Variants in NF1 observed in about 807,000 individuals in gnomAD.
NF1 encodes the protein neurofibromin.
In NF1, 122 loss-of-function variants were observed where a neutral mutation model predicts 325.7. The ratio of observed to expected loss-of-function variants is 0.37; its 90% confidence interval spans 0.32 to 0.44. The LOEUF (loss-of-function observed/expected upper bound fraction) is 0.44, where lower values mean the gene tolerates loss of function less well. NF1 is among the 20% of genes least tolerant of loss of function. NF1 has a pLI of 1.00. For synonymous variants in NF1, 1,091 were observed against 1,186.0 expected, an observed-to-expected ratio of 0.92 and a Z score of 1.65; for missense variants, 2,140 against 3,415.4, an observed-to-expected ratio of 0.63 and a Z score of 9.31.
intron 1 of NF1, among the ~76,000 whole-genome samples, chr17:31,123,180 T>C (rs912454922): frequency 5.3e-5 from 8 of 152,250 alleles, no homozygotes; most frequent in Non-Finnish European, 4.4e-5. Flanking sequence ...TCTACAATTT[T>C]TAGTTTATAA....
intron 36 of NF1, among the ~76,000 whole-genome samples, chr17:31,297,934 A>G (rs936038888): frequency 1.3e-5 from 2 of 152,158 alleles, no homozygotes; most frequent in Non-Finnish European, 2.9e-5. Flanking sequence ...AGCATCTTAT[A>G]CTTCAGATTA....
rs587781941 is a variant in NF1, at chr17:31,258,419, G to T, written c.4249G>T (p.Ala1417Ser). 1 of 1,613,884 alleles carries T rather than the reference G, an allele frequency of 6.2e-7. No homozygotes were observed. Among genetic ancestry groups the T allele is most frequent in the Non-Finnish European group, 8.5e-7 (1 of 1,179,908 alleles). ...CATGTTCCTCAGATTTATCAATCCT[G>T]CCATTGTCTCACCGTATGAAGCAGG... ...SAMFLRFINP[A>S]IVSPYEAGIL... is the part of the protein sequence containing the mutation. The change falls in exon 32 of 58, where the codon GCC becomes TCC. Residue 1417 changes from alanine (A) to serine (S), a missense_variant. Around this residue, in one of 10 missense-constraint regions of NF1, gnomAD observed 336 missense variants for 399.0 expected, o/e 0.84. Coordinates refer to ENST00000358273, the MANE Select transcript of NF1 (RefSeq NM_001042492.3).
At chr17:31,253,051 A>G (rs573432885) in intron 31 of NF1, 51 bp downstream of exon 31, 5 of 1,441,198 alleles carry the variant, frequency 3.5e-6, no homozygotes, top group Middle Eastern at 1.8e-4. Flanking sequence ...CAAAACAAAA[A>G]TCTTTTGCTG....
chr17:31,263,095 G>A (rs1002111108), intron 35 of NF1, among the ~76,000 whole-genome samples: 25 of 97,632 alleles, frequency 2.6e-4, no homozygotes, highest in Admixed American at 1.9e-4. Context: ...AGGTAGGTAG[G>A]TAGGTAGGTA....
chr17:31,210,792 G>A (rs2066716084), intron 12 of NF1, among the ~76,000 whole-genome samples: 1 of 152,060 alleles, frequency 6.6e-6, no homozygotes, highest in South Asian at 2.1e-4. Flanking sequence ...TACAATCTAA[G>A]ATAGTATTAT....
At chr17:31,176,156 C>G (rs1240029726) in intron 5 of NF1, among the ~76,000 whole-genome samples, 12 of 152,190 alleles carry the variant, frequency 7.9e-5, no homozygotes, top group East Asian at 7.7e-4. Context: ...AAAAGTGTTC[C>G]TATTTCTCCA....
At chr17:31,144,162 AG>A (rs1916427565) in intron 1 of NF1, among the ~76,000 whole-genome samples, 1 of 152,092 alleles carries the variant, frequency 6.6e-6, no homozygotes, top group African/African-American at 2.4e-5. Context: ...TATTCTCACA[AG>A]TTTATTCTTC....
At chr17:31,297,185 A>T (rs1209424912) in intron 36 of NF1, 1 of 152,064 alleles carries the variant, frequency 6.6e-6, no homozygotes, top group African/African-American at 2.4e-5. Flanking sequence ...TCAGCATCTC[A>T]TTTTCTCTGG....
intron 49 of NF1, 126 bp from the exon 50 acceptor site, chr17:31,350,057 G>A (rs1222087579): frequency 6.2e-6 from 6 of 969,648 alleles, no homozygotes; most frequent in Non-Finnish European, 9.9e-6. Context: ...CATTTATGTA[G>A]TCTTCCAAAA....
At chr17:31,097,293 A>G (rs1474376506) in intron 1 of NF1, among the ~76,000 whole-genome samples, 5 of 152,046 alleles carry the variant, frequency 3.3e-5, no homozygotes, top group Admixed American at 3.3e-4. Context: ...CCTCGTCTCT[A>G]CTAAAAATAC....
At chr17:31,180,923 A>G (rs1403093889) in intron 5 of NF1, among the ~76,000 whole-genome samples, 1 of 152,210 alleles carries the variant, frequency 6.6e-6, no homozygotes, top group Non-Finnish European at 1.5e-5. Context: ...TCAATGTGCA[A>G]AAATCACAAG....
intron 1 of NF1, among the ~76,000 whole-genome samples, chr17:31,124,592 A>ATTTTTTTTTTTTTTTTT (rs35335433): frequency 7.9e-5 from 5 of 62,914 alleles, no homozygotes; most frequent in Admixed American, 2.4e-4. Flanking sequence ...GTATTCTTGA[A>ATTTTTTTTTTTTTTTTT]TTTTTTTTTT....
At chr17:31,255,496 T>C (rs1415854477) in intron 31 of NF1, among the ~76,000 whole-genome samples, 1 of 152,226 alleles carries the variant, frequency 6.6e-6, no homozygotes, top group Non-Finnish European at 1.5e-5. Flanking sequence ...AAAATCAGTT[T>C]TTAGTTCCAA....
intron 45 of NF1, 37 bp downstream of exon 45, chr17:31,338,176 G>C (rs756990754): frequency 8.5e-6 from 12 of 1,411,364 alleles, no homozygotes; most frequent in Admixed American, 8.4e-5. Context: ...AAATATTTAT[G>C]GTTCTCAAGT....
chr17:31,215,457 CTA>C, intron 13 of NF1, among the ~76,000 whole-genome samples: 1 of 152,306 alleles, frequency 6.6e-6, no homozygotes, highest in Middle Eastern at 3.4e-3. Flanking sequence ...ATTTGGATGA[CTA>C]TTTAATCTTT....
chr17:31,193,428 C>T (rs2066381586), intron 8 of NF1, among the ~76,000 whole-genome samples: 1 of 152,280 alleles, frequency 6.6e-6, no homozygotes, highest in South Asian at 2.1e-4. Context: ...TCCACCTCAG[C>T]CTTCAGATAG....
intron 39 of NF1, among the ~76,000 whole-genome samples, chr17:31,332,345 TC>T (rs1345158563): frequency 6.6e-6 from 1 of 151,592 alleles, no homozygotes; most frequent in Non-Finnish European, 1.5e-5. Flanking sequence ...ATGCCTGTAG[TC>T]CCAGCTACTC....
In NF1 at chr17:31,217,939, C is replaced by CA. The variant is rs56382346; in HGVS notation, c.1528-1048dup. Among the ~76,000 whole-genome samples, 178 of 116,728 alleles carry CA rather than the reference C, an allele frequency of 1.5e-3. 1 individual carries two copies. Among genetic ancestry groups the CA allele is most frequent in the South Asian group, 6.8e-3 (24 of 3,550 alleles). The allele number at this position is 116,728 out of a possible 152,430, so 76.6% of individuals were successfully genotyped here. Reference sequence around the variant, plus strand: ...GAGATCACGCCATTGCACTCCGTTTCAAAAAAAAAAAAAAAAAAGGTAGGC... The same window carrying CA: ...GAGATCACGCCATTGCACTCCGTTTCAAAAAAAAAAAAAAAAAAAGGTAGGC... On this transcript the variant is annotated intron_variant, in intron 13 of 57. Coordinates refer to ENST00000358273, the MANE Select transcript of NF1 (RefSeq NM_001042492.3).
intron 36 of NF1, among the ~76,000 whole-genome samples, chr17:31,267,559 C>T (rs1319664833): frequency 6.6e-6 from 1 of 152,140 alleles, no homozygotes; most frequent in Non-Finnish European, 1.5e-5. Context: ...TCCATTTACT[C>T]CATTATGAAG....
Sources: gnomAD v4.1 joint callset for allele counts (sites outside exome capture counted in the v4.1 genomes callset) on GRCh38, gnomAD v4.1.1 for gene constraint, gnomAD v4.1.1 regional missense constraint, MANE v1.5 for transcripts, NCBI Gene and HGNC (gene_info 2026-07-23, HGNC 2026-07-21) for gene names.